The following FAM13A variants were observed in gnomAD, a reference collection of about 807,000 sequenced individuals.
The protein encoded by FAM13A is family with sequence similarity 13 member A, also known as protein FAM13A.
FAM13A carries 76 observed loss-of-function variants against 129.6 expected under a neutral mutation model. The ratio of observed to expected loss-of-function variants is 0.59; its 90% CI spans 0.49 to 0.71. The LOEUF (loss-of-function observed/expected upper bound fraction) is 0.71, where lower values mean the gene tolerates loss of function less well. Ranked by LOEUF, FAM13A falls within the 30% of genes least tolerant of loss-of-function variation. The pLI is 0.00. For missense variants in FAM13A, 1,108 were observed against 1,249.3 expected (o/e 0.89, Z 1.70); for synonymous variants, 443 against 449.9 (o/e 0.98, Z 0.20).
intron 19 of FAM13A, among the ~76,000 whole-genome samples, chr4:88,744,673 T>G (rs998849896): frequency 4.6e-5 from 7 of 152,204 alleles, no homozygotes; most frequent in Non-Finnish European, 8.8e-5. Context: ...GTTGTCCGCA[T>G]GGCATTTACA....
intron 13 of FAM13A, 153 bp from the exon 14 acceptor site, chr4:88,759,054 G>C: frequency 1.4e-6 from 1 of 716,406 alleles, no homozygotes; most frequent in Non-Finnish European, 2.2e-6. Flanking sequence ...ATGCCCCCCG[G>C]ATCCTAGCTG....
intron 2 of FAM13A, among the ~76,000 whole-genome samples, chr4:89,024,521 C>T (rs572933152): frequency 2.6e-5 from 4 of 152,186 alleles, no homozygotes; most frequent in East Asian, 3.9e-4. Context: ...ATTGCATTTA[C>T]GTGAAACAAT....
At position 88,903,306 on chromosome 4, in the gene FAM13A, C is replaced by T. The variant is rs999637243; in HGVS notation, c.843+3073G>A. Among the ~76,000 whole-genome samples the T allele has an allele frequency of 2.0e-5, 3 of 152,080 alleles. No homozygotes were observed. The South Asian group carries it at 6.2e-4, about 32-fold the overall frequency. On this transcript the variant is annotated intron_variant, in intron 6 of 23. Coordinates refer to ENST00000264344, the MANE Select transcript of FAM13A (RefSeq NM_014883.4). ...ACAAGACAAGCCTAAGCAAAAAGAACAAAGCTGGAGGTATCATGCTACCTG... is the reference window on the plus strand; with the variant it reads ...ACAAGACAAGCCTAAGCAAAAAGAATAAAGCTGGAGGTATCATGCTACCTG...
intron 22 of FAM13A, 157 bp from the exon 23 acceptor site, chr4:88,731,585 A>G (rs1219857453): frequency 1.9e-6 from 1 of 535,626 alleles, no homozygotes; most frequent in African/African-American, 1.9e-5. Context: ...CATGTTTTCC[A>G]TTTCCTGAAA....
At chr4:89,002,665 C>T (rs2149058359) in intron 3 of FAM13A, among the ~76,000 whole-genome samples, 1 of 152,258 alleles carries the variant, frequency 6.6e-6, no homozygotes, top group South Asian at 2.1e-4. Flanking sequence ...AGCCCCTGAT[C>T]CCATTTACAA....
At chr4:88,942,974 A>C (rs1178926890) in intron 4 of FAM13A, among the ~76,000 whole-genome samples, 1 of 152,178 alleles carries the variant, frequency 6.6e-6, no homozygotes, top group Non-Finnish European at 1.5e-5. Flanking sequence ...TATCAAAATA[A>C]TCCCTGTGCC....
At chr4:88,830,992 T>A (rs940477531) in intron 7 of FAM13A, among the ~76,000 whole-genome samples, 1 of 152,182 alleles carries the variant, frequency 6.6e-6, no homozygotes, top group Non-Finnish European at 1.5e-5. Flanking sequence ...TGCTTTTTTT[T>A]TTTTAAGTGA....
chr4:88,992,159 C>G (rs1380687060), intron 3 of FAM13A, among the ~76,000 whole-genome samples: 1 of 152,208 alleles, frequency 6.6e-6, no homozygotes, highest in Non-Finnish European at 1.5e-5. Context: ...ATCTCTCTGC[C>G]AAGCTGCAAA....
intron 6 of FAM13A, among the ~76,000 whole-genome samples, chr4:88,885,895 C>T (rs974240980): frequency 4.0e-5 from 6 of 151,068 alleles, no homozygotes; most frequent in South Asian, 4.2e-4. Flanking sequence ...TACAAATGGC[C>T]AATAAACATA....
intron 3 of FAM13A, among the ~76,000 whole-genome samples, chr4:88,998,852 T>C (rs575379309): frequency 6.6e-6 from 1 of 152,180 alleles, no homozygotes; most frequent in Non-Finnish European, 1.5e-5. Context: ...AATTTCATTT[T>C]CCTATGCAAA....
chr4:89,047,068 C>T (rs1185329812), intron 1 of FAM13A, among the ~76,000 whole-genome samples: 1 of 152,020 alleles, frequency 6.6e-6, no homozygotes, highest in Non-Finnish European at 1.5e-5. Context: ...AACCAGGCTC[C>T]GAACACAGGG....
Position 89,020,355 on chromosome 4 carries a change from A to C in FAM13A, c.427+105T>G. ...TGGTCTTCAACTCCTGGCTTCAAGC[A>C]ATCTTTCTACCTCAGCCTCCCAAAG... On this transcript the variant is annotated intron_variant, in intron 3 of 23. Coordinates refer to ENST00000264344, the MANE Select transcript of FAM13A (RefSeq NM_014883.4). 1.5e-5 allele frequency: 11 copies of C among 725,662 alleles called. No individual in the cohort carries two copies. The South Asian group carries it at 2.2e-4, about 15-fold the overall frequency. The allele number at this position is 725,662 out of a possible 1,614,324, so 45.0% of individuals were successfully genotyped here.
At chr4:88,935,902 A>T (rs748184027) in intron 5 of FAM13A, among the ~76,000 whole-genome samples, 2 of 151,924 alleles carry the variant, frequency 1.3e-5, no homozygotes, top group Non-Finnish European at 2.9e-5. Context: ...ACTTTCTCAA[A>T]GAAGAGACTA....
chr4:88,990,269 G>C (rs968538314), intron 4 of FAM13A: 3 of 152,064 alleles, frequency 2.0e-5, no homozygotes, highest in African/African-American at 7.3e-5. Flanking sequence ...TGGAGAAGTA[G>C]ATATGCTATT....
chr4:88,798,241 T>C (rs1374989679), intron 8 of FAM13A, among the ~76,000 whole-genome samples: 2 of 152,158 alleles, frequency 1.3e-5, no homozygotes, highest in South Asian at 2.1e-4. Context: ...GTGGTTTGTT[T>C]TGGGGTAGTG....
At chr4:88,882,959 A>G (rs1207604813) in intron 6 of FAM13A, among the ~76,000 whole-genome samples, 1 of 152,168 alleles carries the variant, frequency 6.6e-6, no homozygotes, top group African/African-American at 2.4e-5. Flanking sequence ...CAACAGGAAA[A>G]TATCACAATC....
intron 7 of FAM13A, among the ~76,000 whole-genome samples, chr4:88,846,164 G>C (rs1378626425): frequency 4.6e-5 from 7 of 152,106 alleles, no homozygotes; most frequent in African/African-American, 1.7e-4. Context: ...ATGAAGTTCT[G>C]TTTACACTCA....
At position 88,731,559 on chromosome 4, in the gene FAM13A, A is replaced by AG. The variant is rs1737800535; in HGVS notation, c.2844-132dup. On this transcript the variant is annotated intron_variant, in intron 22 of 23. Transcript: ENST00000264344. ...AATGCAGAAACTGCTGAGAGCATTG[A>AG]GGGGGCGCGGAAATGCATGTTTTCC... is the stretch of plus-strand genomic sequence containing the variant. 4 of 548,282 alleles carry AG rather than the reference A, an allele frequency of 7.3e-6. No individual in the cohort carries two copies. In the East Asian group the frequency reaches 1.2e-4, roughly 17 times the overall value. The allele number at this position is 548,282 out of a possible 1,614,324, so 34.0% of individuals were successfully genotyped here.
chr4:88,783,384 C>T (rs796107885), intron 10 of FAM13A, among the ~76,000 whole-genome samples: 59 of 152,170 alleles, frequency 3.9e-4, no homozygotes, highest in African/African-American at 1.3e-3. Flanking sequence ...ACTGCAAACT[C>T]GACCTCCCAG....
Sources: gnomAD v4.1 joint callset for allele counts (sites outside exome capture counted in the v4.1 genomes callset) on GRCh38, gnomAD v4.1.1 for gene constraint, MANE v1.5 for transcripts, NCBI Gene and HGNC (gene_info 2026-07-23, HGNC 2026-07-21) for gene names.